The following PTPRN2 variants were observed in gnomAD, a reference collection of about 807,000 sequenced individuals.
The protein encoded by PTPRN2 is protein tyrosine phosphatase receptor type N2, also known as receptor-type tyrosine-protein phosphatase N2.
PTPRN2 carries 74 observed loss-of-function variants against 118.8 expected under a neutral mutation model. That is an observed-to-expected ratio of 0.62 (90% CI 0.52 to 0.76). PTPRN2 has a LOEUF of 0.76. Ranked by LOEUF, PTPRN2 falls within the 30% of genes least tolerant of loss-of-function variation. PTPRN2 has a pLI of 0.00. For missense variants in PTPRN2, 1,481 were observed against 1,394.4 expected, an observed-to-expected ratio of 1.06 and a Z score of -0.99; for synonymous variants, 641 against 608.0, an observed-to-expected ratio of 1.05 and a Z score of -0.80.
rs1468708458 is a variant in PTPRN2, at chr7:157,674,982, G to T, written c.2001+7743C>A. On this transcript the variant is annotated intron_variant, in intron 13 of 22. Transcript: ENST00000389418. The surrounding 1 kb of genome is among the most constrained non-coding windows in gnomAD (Gnocchi z 4.5). The stretch of plus-strand genomic sequence containing the variant: ...AGAGCAGAGGCTACAGGCAGGGAGT[G>T]GGGAGACCCAGCCTTCAAGCACAGC... 6.6e-6 allele frequency among the ~76,000 whole-genome samples: 1 copy of T among 152,170 alleles called. No homozygotes were observed. The highest frequency in any genetic ancestry group is 1.5e-5 in the Non-Finnish European group (1 of 68,012).
At chr7:158,113,894 C>G (rs1366857524) in intron 9 of PTPRN2, among the ~76,000 whole-genome samples, 1 of 152,124 alleles carries the variant, frequency 6.6e-6, no homozygotes, top group Non-Finnish European at 1.5e-5. Context: ...AGGGAGGAGC[C>G]ACATCTGAGC....
In PTPRN2 at chr7:157,764,379, T is replaced by C. The variant is rs990059360; in HGVS notation, c.1789-81442A>G. Among the ~76,000 whole-genome samples, 11 of 152,156 alleles carry C rather than the reference T, an allele frequency of 7.2e-5. No individual in the cohort carries two copies. Among genetic ancestry groups the C allele is most frequent in the African/African-American group, 2.7e-4 (11 of 41,434 alleles). ...AAACATCATGTGGTCCACCCACACA[T>C]GGGAATATTACTCAGCACTGAAAAG... On this transcript the variant is annotated intron_variant, in intron 12 of 22. Coordinates refer to ENST00000389418, the MANE Select transcript of PTPRN2 (RefSeq NM_002847.5). This position sits in a 1 kb window ranked among gnomAD's most constrained non-coding sequence, Gnocchi z 4.5.
In PTPRN2 at chr7:157,906,026, C is replaced by A. The variant is rs143763832; in HGVS notation, c.1724-7289G>T. 9.0e-4 allele frequency among the ~76,000 whole-genome samples: 137 copies of A among 152,356 alleles called. 1 individual carries two copies. Among genetic ancestry groups the A allele is most frequent in the African/African-American group, 3.0e-3 (125 of 41,578 alleles). On this transcript the variant is annotated intron_variant, in intron 11 of 22. Transcript: ENST00000389418. Reference sequence around the variant, plus strand: ...CACCCAGGGCCCCCGTGCAGGGGGTCAGCATCTCCGGGTAATTTGGGGACC... The same window carrying A: ...CACCCAGGGCCCCCGTGCAGGGGGTAAGCATCTCCGGGTAATTTGGGGACC...
At chr7:157,664,412 G>A (rs1219562086) in intron 13 of PTPRN2, among the ~76,000 whole-genome samples, 1 of 152,256 alleles carries the variant, frequency 6.6e-6, no homozygotes, top group Admixed American at 6.5e-5. Context: ...GTCAGCCAGT[G>A]ACAGAAATGG....
At chr7:158,489,163 T>C (rs1191681994) in intron 2 of PTPRN2, among the ~76,000 whole-genome samples, 4 of 152,240 alleles carry the variant, frequency 2.6e-5, no homozygotes, top group Non-Finnish European at 4.4e-5. Context: ...ACGAAAAACC[T>C]GGCCGGGCGC....
At chr7:158,141,731 T>C (rs1393182615) in intron 6 of PTPRN2, among the ~76,000 whole-genome samples, 2 of 152,180 alleles carry the variant, frequency 1.3e-5, no homozygotes, top group Non-Finnish European at 2.9e-5. Flanking sequence ...GATTTTCCCC[T>C]TTGAAAACCT....
intron 6 of PTPRN2, among the ~76,000 whole-genome samples, chr7:158,158,151 C>A (rs901265392): frequency 6.6e-6 from 1 of 152,126 alleles, no homozygotes; most frequent in South Asian, 2.1e-4. Context: ...TCTTCAAAAA[C>A]GAAAAGGCAG....
At chr7:157,658,848 C>A (rs1374848125) in intron 13 of PTPRN2, among the ~76,000 whole-genome samples, 3 of 152,176 alleles carry the variant, frequency 2.0e-5, no homozygotes, top group South Asian at 2.1e-4. Context: ...CTCCGGGGAA[C>A]CTCGTGGGCT....
At chr7:157,828,914 C>T (rs921803512) in intron 12 of PTPRN2, among the ~76,000 whole-genome samples, 3 of 152,224 alleles carry the variant, frequency 2.0e-5, no homozygotes, top group South Asian at 2.1e-4. Flanking sequence ...AATTCAGGAA[C>T]GAAGATGGTG....
At chr7:158,239,574 T>C (rs1795783146) in intron 3 of PTPRN2, among the ~76,000 whole-genome samples, 1 of 152,202 alleles carries the variant, frequency 6.6e-6, no homozygotes, top group Non-Finnish European at 1.5e-5. Flanking sequence ...TCTGCATCCC[T>C]GCGGCCCCTG....
chr7:158,468,790 G>A (rs1054647856), intron 2 of PTPRN2, among the ~76,000 whole-genome samples: 9 of 151,906 alleles, frequency 5.9e-5, no homozygotes, highest in Non-Finnish European at 1.0e-4. Flanking sequence ...CACACTCCCG[G>A]TGGAGCAACA....
intron 11 of PTPRN2, among the ~76,000 whole-genome samples, chr7:158,023,634 A>T (rs1376052892): frequency 1.3e-5 from 2 of 152,188 alleles, no homozygotes; most frequent in East Asian, 3.8e-4. Context: ...AAACTAAGGA[A>T]GACAGTTGCG....
At chr7:158,412,914 A>ACACCAGGGCCCATCCAGCGCCCTCCTCAG (rs1563262343) in intron 2 of PTPRN2, among the ~76,000 whole-genome samples, 126 of 89,154 alleles carry the variant, frequency 1.4e-3, no homozygotes, top group African/African-American at 5.1e-3. Context: ...GCCCTCCTCA[A>ACACCAGGGCCCATCCAGCGCCCTCCTCAG]CACCAGGGCC....
At chr7:158,341,938 C>T in intron 2 of PTPRN2, among the ~76,000 whole-genome samples, 1 of 146,634 alleles carries the variant, frequency 6.8e-6, no homozygotes. Flanking sequence ...CCCACATTCT[C>T]ACCATAAGAG....
intron 2 of PTPRN2, among the ~76,000 whole-genome samples, chr7:158,361,757 C>A (rs2151293429): frequency 6.6e-6 from 1 of 152,274 alleles, no homozygotes; most frequent in South Asian, 2.1e-4. Context: ...AACAAGGGCC[C>A]CAGGAAGGTC....
chr7:158,107,023 C>A (rs1815743411), intron 10 of PTPRN2, among the ~76,000 whole-genome samples: 1 of 152,094 alleles, frequency 6.6e-6, no homozygotes, highest in African/African-American at 2.4e-5. Flanking sequence ...TCCCTAGGAA[C>A]CCAAAACACT....
intron 3 of PTPRN2, among the ~76,000 whole-genome samples, chr7:158,252,313 T>C (rs1030225787): frequency 3.3e-5 from 5 of 152,108 alleles, no homozygotes; most frequent in Non-Finnish European, 7.3e-5. Context: ...TGCCAATTAC[T>C]TGGAGGAAAA....
intron 3 of PTPRN2, among the ~76,000 whole-genome samples, chr7:158,276,928 G>A (rs1370025464): frequency 6.6e-6 from 1 of 152,170 alleles, no homozygotes; most frequent in African/African-American, 2.4e-5. Flanking sequence ...TATCAGCTCT[G>A]GAGGGAGAAG....
intron 15 of PTPRN2, among the ~76,000 whole-genome samples, chr7:157,607,524 C>T (rs1002198993): frequency 1.2e-4 from 19 of 152,374 alleles, no homozygotes; most frequent in Admixed American, 7.8e-4. Flanking sequence ...GAACAGGCAG[C>T]GCAGCCTGGA....
Sources: allele counts gnomAD v4.1 joint callset (sites outside exome capture counted in the v4.1 genomes callset), GRCh38; gene constraint gnomAD v4.1.1; non-coding constraint Gnocchi (gnomAD v3.1); transcripts MANE v1.5; gene names NCBI Gene and HGNC (gene_info 2026-07-23, HGNC 2026-07-21).